MACF1: variants seen among roughly 807,000 people sequenced by gnomAD.
The protein encoded by MACF1 is microtubule-actin cross-linking factor 1.
A neutral mutation model predicts 854.8 loss-of-function variants in MACF1; 193 were observed. The observed-to-expected ratio is 0.23, with a 90% CI of 0.20 to 0.25. The LOEUF is 0.25. MACF1 is among the 10% of genes least tolerant of loss of function. The pLI is 1.00. For synonymous variants in MACF1, 3,185 were observed against 3,226.7 expected, an observed-to-expected ratio of 0.99 and a Z score of 0.44; for missense variants, 7,722 against 8,929.1, an observed-to-expected ratio of 0.86 and a Z score of 5.45.
chr1:39,471,917 C>T (rs905704627), intron 97 of MACF1, among the ~76,000 whole-genome samples: 1 of 152,228 alleles, frequency 6.6e-6, no homozygotes, highest in East Asian at 1.9e-4. Context: ...ACCGTCACCA[C>T]CGTCCATCCA....
intron 2 of MACF1, among the ~76,000 whole-genome samples, chr1:39,232,263 TATA>T (rs1260008284): frequency 5.9e-5 from 9 of 152,066 alleles, no homozygotes; most frequent in African/African-American, 2.2e-4. Context: ...GTTTTTGAAT[TATA>T]ATAATAATTA....
chr1:39,166,418 ATT>A (rs1643882364), intron 2 of MACF1, among the ~76,000 whole-genome samples: 3 of 340 alleles, frequency 8.8e-3, no homozygotes, highest in Non-Finnish European at 0.03. Context: ...AGCACTAGAT[ATT>A]TATTTATTTA....
At chr1:39,256,490 G>T (rs879942189) in intron 5 of MACF1, among the ~76,000 whole-genome samples, 3 of 152,156 alleles carry the variant, frequency 2.0e-5, no homozygotes, top group Non-Finnish European at 2.9e-5. Context: ...GGTCACTAGG[G>T]TCCTCTGGAG....
intron 40 of MACF1, among the ~76,000 whole-genome samples, chr1:39,343,716 C>T (rs981462267): frequency 2.0e-5 from 3 of 152,176 alleles, no homozygotes; most frequent in African/African-American, 7.2e-5. Flanking sequence ...CCATGTGAGT[C>T]TGCAGCAGCT....
At chr1:39,416,125 G>T (rs1643299232) in intron 58 of MACF1, among the ~76,000 whole-genome samples, 1 of 152,122 alleles carries the variant, frequency 6.6e-6, no homozygotes. Context: ...TGATTAAGAG[G>T]ATTGATTAAG....
intron 4 of MACF1, among the ~76,000 whole-genome samples, chr1:39,253,057 G>A (rs919269399): frequency 2.0e-5 from 3 of 152,214 alleles, no homozygotes. Context: ...ATAATCTAGT[G>A]AGAGTGATAT....
At chr1:39,364,495 AT>A (rs1200355447) in intron 49 of MACF1, among the ~76,000 whole-genome samples, 152 of 142,504 alleles carry the variant, frequency 1.1e-3, no homozygotes, top group Middle Eastern at 3.6e-3. Context: ...TAAACGTGGA[AT>A]TTTTTTTTTT....
intron 58 of MACF1, among the ~76,000 whole-genome samples, chr1:39,389,382 C>T (rs1641942288): frequency 1.0e-5 from 1 of 96,918 alleles, no homozygotes; most frequent in African/African-American, 4.2e-5. Context: ...TTTTTGGAGA[C>T]AGAGTCTTGC....
chr1:39,225,608 G>GT (rs2148296492), intron 1 of MACF1, among the ~76,000 whole-genome samples: 1 of 152,330 alleles, frequency 6.6e-6, no homozygotes, highest in East Asian at 1.9e-4. Flanking sequence ...TAGATGGACA[G>GT]TAGGGTTCTC....
intron 2 of MACF1, among the ~76,000 whole-genome samples, chr1:39,134,736 A>C (rs1475052570): frequency 6.6e-6 from 1 of 152,138 alleles, no homozygotes; most frequent in Non-Finnish European, 1.5e-5. Flanking sequence ...CTTGTTTTTT[A>C]TTAGTAGGAG....
chr1:39,264,698 G>A (rs1048912392), intron 6 of MACF1, among the ~76,000 whole-genome samples: 31 of 123,570 alleles, frequency 2.5e-4, no homozygotes, highest in Admixed American at 2.0e-3. Context: ...ACGGAGTCTC[G>A]CTCTGTCGCC....
At chr1:39,123,724 T>A (rs994598881) in intron 2 of MACF1, among the ~76,000 whole-genome samples, 3 of 137,512 alleles carry the variant, frequency 2.2e-5, no homozygotes, top group Non-Finnish European at 4.7e-5. Context: ...TTTGTTTTTT[T>A]TTTTTTTTTT....
intron 4 of MACF1, among the ~76,000 whole-genome samples, chr1:39,253,742 C>G (rs1315378220): frequency 6.6e-6 from 1 of 152,146 alleles, no homozygotes; most frequent in Non-Finnish European, 1.5e-5. Context: ...TCTCTAACTC[C>G]TGGGCTCAAG....
intron 2 of MACF1, among the ~76,000 whole-genome samples, chr1:39,142,882 A>G (rs1643375236): frequency 6.6e-6 from 1 of 152,194 alleles, no homozygotes; most frequent in Admixed American, 6.5e-5. Flanking sequence ...TCCTAGACAC[A>G]GCTTGGGCCT....
chr1:39,094,025 G>T (rs918618648), intron 2 of MACF1, among the ~76,000 whole-genome samples: 1 of 148,860 alleles, frequency 6.7e-6, no homozygotes, highest in African/African-American at 2.5e-5. Flanking sequence ...GTGATCCACC[G>T]CCTCGGCCTC....
Position 39,283,465 on chromosome 1 carries a change from T to C in MACF1, c.865T>C (p.Tyr289His), listed in dbSNP as rs373830261. ...TGTAATCACTTATGTGTCTTCGATT[T>C]ATGATGCCTTCCCTAAAGTTCCTGA... ...KSVITYVSSI[Y>H]DAFPKVPEGG... The change falls in exon 9 of 101, where the codon TAT (tyrosine) becomes CAT (histidine). Residue 289 changes from tyrosine to histidine, a missense_variant. By Grantham distance (83) the Tyr-to-His change is moderately conservative (BLOSUM62 2). Transcript: ENST00000564288. This position sits in a 1 kb window ranked among gnomAD's most constrained non-coding sequence, Gnocchi z 4.5. 1.2e-6 allele frequency: 2 copies of C among 1,613,090 alleles called. No individual in the cohort carries two copies. Among genetic ancestry groups the C allele is most frequent in the Non-Finnish European group, 1.7e-6 (2 of 1,178,980 alleles).
In MACF1 at chr1:39,437,906, G is replaced by A. The variant is rs756270656; in HGVS notation, c.18118G>A (p.Val6040Met). The change falls in exon 71 of 101, where the codon GTG becomes ATG. Residue 6040 changes from valine to methionine, a missense_variant. Val to Met is a conservative substitution (Grantham distance 21). Around this residue, in one of 15 missense-constraint regions of MACF1, gnomAD observed 2,807 missense variants for 3,235.8 expected, o/e 0.87. Coordinates refer to ENST00000564288, the MANE Select transcript of MACF1 (RefSeq NM_001394062.1). The stretch of plus-strand genomic sequence containing the variant: ...CATCAGTGACAATAAGAGTGCCACC[G>A]TGGAGCTAGAAAAACTGCAGCCATC... Reference protein sequence around the residue: ...ECISDNKSATVELEKLQPSFE... With the variant: ...ECISDNKSATMELEKLQPSFE... The A allele has an allele frequency of 8.7e-6, 14 of 1,614,014 alleles. No individual in the cohort carries two copies. The highest frequency in any genetic ancestry group is 2.2e-5 in the South Asian group (2 of 91,086).
intron 44 of MACF1, 75 bp downstream of exon 44, chr1:39,353,306 C>A: frequency 8.7e-7 from 1 of 1,148,682 alleles, no homozygotes; most frequent in Non-Finnish European, 1.2e-6. Flanking sequence ...AATCACCTTG[C>A]CCCTAAATCC....
chr1:39,117,954 G>C (rs572080404), intron 2 of MACF1, among the ~76,000 whole-genome samples: 1 of 152,356 alleles, frequency 6.6e-6, no homozygotes, highest in Non-Finnish European at 1.5e-5. Context: ...AGATGGCAGA[G>C]AGCTGCCACC....
Sources: allele counts gnomAD v4.1 joint callset (sites outside exome capture counted in the v4.1 genomes callset), GRCh38; gene constraint gnomAD v4.1.1; regional missense constraint gnomAD v4.1.1; non-coding constraint Gnocchi (gnomAD v3.1); transcripts MANE v1.5; gene names NCBI Gene and HGNC (gene_info 2026-07-23, HGNC 2026-07-21).